Variants in HORMAD2 observed in about 807,000 individuals in gnomAD.
HORMAD2 encodes the protein HORMA domain-containing protein 2.
A neutral mutation model predicts 38.8 loss-of-function variants in HORMAD2; 45 were observed. That is an observed-to-expected ratio of 1.16 (90% CI 0.91 to 1.49). HORMAD2 has a LOEUF of 1.49. HORMAD2 is among the 40% of genes most tolerant of loss of function. The probability of loss-of-function intolerance (pLI) is 0.00; values close to 1 mark genes in which losing one functional copy is unlikely to be tolerated. For missense variants in HORMAD2, 338 were observed against 367.0 expected, an observed-to-expected ratio of 0.92 and a Z score of 0.65; for synonymous variants, 126 against 122.8, an observed-to-expected ratio of 1.03 and a Z score of -0.17.
chr22:30,101,783 T>C (rs764883231), intron 3 of HORMAD2, among the ~76,000 whole-genome samples: 1 of 152,174 alleles, frequency 6.6e-6, no homozygotes, highest in Non-Finnish European at 1.5e-5. Flanking sequence ...TGGTTGGGCA[T>C]GGTGGCTCAG....
the HORMAD2 span, among the ~76,000 whole-genome samples, chr22:30,186,537 G>A: frequency 6.6e-6 from 1 of 151,648 alleles, no homozygotes; most frequent in African/African-American, 2.4e-5. Context: ...TTAAACTGTG[G>A]GTTTGCTTTT....
Position 30,101,549 on chromosome 22 carries a change from C to A in HORMAD2, c.194-1888C>A, listed in dbSNP as rs1308650748. 2.0e-5 allele frequency among the ~76,000 whole-genome samples: 3 copies of A among 151,466 alleles called. No homozygotes were observed. The East Asian group carries it at 5.8e-4, about 29-fold the overall frequency. On this transcript the variant is annotated intron_variant, in intron 3 of 10. Coordinates refer to ENST00000336726, the MANE Select transcript of HORMAD2 (RefSeq NM_152510.4). ...CAAACCACCATGGCACATGAACAAA[C>A]CTGCACTTTCTGCACATGTATTCCA...
At chr22:30,196,297 A>G in the HORMAD2 span, among the ~76,000 whole-genome samples, 1 of 152,228 alleles carries the variant, frequency 6.6e-6, no homozygotes, top group Non-Finnish European at 1.5e-5. Context: ...TTTGCGAGTG[A>G]AAGCAAGCAC....
chr22:30,161,661 G>A (rs1925448054), intron 10 of HORMAD2, among the ~76,000 whole-genome samples: 1 of 151,988 alleles, frequency 6.6e-6, no homozygotes, highest in African/African-American at 2.4e-5. Flanking sequence ...CTATTGAAAA[G>A]TATTTAATAA....
chr22:30,088,477 A>C (rs2068625452), intron 1 of HORMAD2, among the ~76,000 whole-genome samples: 1 of 151,560 alleles, frequency 6.6e-6, no homozygotes, highest in Non-Finnish European at 1.5e-5. Context: ...CATTGCAAAA[A>C]TATGGATGTA....
chr22:30,080,640 C>G (rs1459810172), intron 1 of HORMAD2, 149 bp downstream of exon 1: 1 of 152,098 alleles, frequency 6.6e-6, no homozygotes, highest in African/African-American at 2.4e-5. Context: ...TCGTGAGGGC[C>G]TAAAGTACTG....
the HORMAD2 span, among the ~76,000 whole-genome samples, chr22:30,204,160 C>A: frequency 6.6e-6 from 1 of 152,138 alleles, no homozygotes; most frequent in African/African-American, 2.4e-5. Flanking sequence ...GTCTGGTTTC[C>A]ATTTGGAGCT....
intron 10 of HORMAD2, among the ~76,000 whole-genome samples, chr22:30,172,636 C>G (rs1396278399): frequency 6.6e-6 from 1 of 152,152 alleles, no homozygotes; most frequent in East Asian, 1.9e-4. Context: ...GCCTGTAATC[C>G]CAGCACTTTG....
At chr22:30,086,771 T>TGGAC (rs1224683393) in intron 1 of HORMAD2, among the ~76,000 whole-genome samples, 1 of 151,884 alleles carries the variant, frequency 6.6e-6, no homozygotes, top group Non-Finnish European at 1.5e-5. Flanking sequence ...AGTGAGGAGT[T>TGGAC]GGACACATTT....
chr22:30,174,635 G>A lies in HORMAD2; in HGVS notation c.820-1428G>A, dbSNP rs568476783. Among the ~76,000 whole-genome samples the A allele has an allele frequency of 1.6e-3, 242 of 152,204 alleles. 2 individuals are homozygous for A. Among genetic ancestry groups the A allele is most frequent in the Non-Finnish European group, 2.5e-3 (169 of 68,000 alleles). Reference sequence around the variant, plus strand: ...AAACTATTAAACCATCAGGTCAACTGGTCAGTTGAGAATTCGTACACTCAT... The same window carrying A: ...AAACTATTAAACCATCAGGTCAACTAGTCAGTTGAGAATTCGTACACTCAT... On this transcript the variant is annotated intron_variant, in intron 10 of 10. Transcript: ENST00000336726.
chr22:30,100,580 CA>C, intron 3 of HORMAD2, among the ~76,000 whole-genome samples: 1 of 152,114 alleles, frequency 6.6e-6, no homozygotes, highest in East Asian at 1.9e-4. Flanking sequence ...CCAAAATAGA[CA>C]AATGGGAACT....
At chr22:30,092,360 T>G (rs1420229825) in intron 1 of HORMAD2, among the ~76,000 whole-genome samples, 1 of 151,474 alleles carries the variant, frequency 6.6e-6, no homozygotes, top group African/African-American at 2.4e-5. Flanking sequence ...TTTTTTTTTT[T>G]TTGGCTTTTG....
intron 7 of HORMAD2, among the ~76,000 whole-genome samples, chr22:30,114,890 A>C (rs1004794337): frequency 1.3e-5 from 2 of 152,226 alleles, no homozygotes; most frequent in African/African-American, 2.4e-5. Flanking sequence ...CATCTAAGTA[A>C]ACTAAGTACT....
intron 10 of HORMAD2, among the ~76,000 whole-genome samples, chr22:30,130,305 G>A (rs1220009190): frequency 6.6e-6 from 1 of 152,124 alleles, no homozygotes; most frequent in Non-Finnish European, 1.5e-5. Context: ...ACTTTCTGGT[G>A]TGATTCTTAA....
chr22:30,205,938 G>A, the HORMAD2 span, among the ~76,000 whole-genome samples: 1 of 152,118 alleles, frequency 6.6e-6, no homozygotes, highest in East Asian at 1.9e-4. Context: ...CCTTTGTCCT[G>A]TGGGACGAAG....
At chr22:30,118,944 AT>A (rs1241531626) in intron 7 of HORMAD2, 35 bp from the exon 8 acceptor site, 16 of 1,432,928 alleles carry the variant, frequency 1.1e-5, no homozygotes, top group Admixed American at 2.0e-5. Flanking sequence ...TCTTTTCTAA[AT>A]TCTTTTTTTT....
chr22:30,174,272 G>A (rs1926296013), intron 10 of HORMAD2, among the ~76,000 whole-genome samples: 1 of 152,174 alleles, frequency 6.6e-6, no homozygotes, highest in Non-Finnish European at 1.5e-5. Context: ...TGCCTGATGA[G>A]TGGCCTTTTG....
chr22:30,180,726 A>G (rs1461019988), downstream of HORMAD2, among the ~76,000 whole-genome samples: 2 of 151,906 alleles, frequency 1.3e-5, no homozygotes, highest in Non-Finnish European at 2.9e-5. Flanking sequence ...TAGCGTGTCC[A>G]CTTTGTCTCC....
chr22:30,200,984 A>G, the HORMAD2 span, among the ~76,000 whole-genome samples: 1 of 152,108 alleles, frequency 6.6e-6, no homozygotes, highest in African/African-American at 2.4e-5. Flanking sequence ...TCCTGACCTC[A>G]GGTGATCCGC....
Sources: gnomAD v4.1 joint callset for allele counts (sites outside exome capture counted in the v4.1 genomes callset) on GRCh38, gnomAD v4.1.1 for gene constraint, MANE v1.5 for transcripts, NCBI Gene and HGNC (gene_info 2026-07-23, HGNC 2026-07-21) for gene names.